The following MYO19 variants were observed in gnomAD, a reference collection of about 807,000 sequenced individuals.
The protein encoded by MYO19 is unconventional myosin-XIX.
In MYO19, 132 loss-of-function variants were observed where a neutral mutation model predicts 129.2. That is an observed-to-expected ratio of 1.02 (90% CI 0.89 to 1.18). The LOEUF is 1.18. Ranked by LOEUF, MYO19 falls within the 50% of genes most tolerant of loss-of-function variation. The pLI, the probability that MYO19 is intolerant of heterozygous loss-of-function variation, is 0.00. For synonymous variants in MYO19, 531 were observed against 477.2 expected (o/e 1.11, Z -1.47); for missense variants, 1,210 against 1,216.7 (o/e 0.99, Z 0.08).
chr17:36,503,885 C>T, intron 20 of MYO19, 65 bp downstream of exon 20: 1 of 1,349,158 alleles, frequency 7.4e-7, no homozygotes, highest in South Asian at 1.6e-5. Flanking sequence ...AGGCTCTTGC[C>T]CAATGAGAGT....
intron 12 of MYO19, 181 bp from the exon 13 acceptor site, chr17:36,511,098 C>A (rs1376157233): frequency 2.9e-5 from 21 of 716,912 alleles, no homozygotes; most frequent in Non-Finnish European, 4.5e-5. Flanking sequence ...TCAAACCCAG[C>A]ACTTTCATGT....
rs1567719643 is a variant in MYO19, at chr17:36,495,666, T to C, written c.*585A>G. 3 of 1,281,634 alleles carry C rather than the reference T, an allele frequency of 2.3e-6. No individual in the cohort carries two copies. Among genetic ancestry groups the C allele is most frequent in the Non-Finnish European group, 2.9e-6 (3 of 1,017,436 alleles). The allele number at this position is 1,281,634 out of a possible 1,614,324, so 79.4% of individuals were successfully genotyped here. A position where few individuals can be genotyped will look rare whatever the true frequency, so the allele number is the denominator to read the frequency against. ...TTTAAATGTTTTACTTTTGGTACAG[T>C]TGATAGACATCATAAACGATATCAA... On this transcript the variant is annotated 3_prime_UTR_variant, in exon 26 of 26. Coordinates refer to ENST00000614623, the MANE Select transcript of MYO19 (RefSeq NM_001163735.2).
intron 14 of MYO19, chr17:36,508,203 A>T: frequency 3.4e-6 from 1 of 290,406 alleles, no homozygotes. Flanking sequence ...CCCATTTTTG[A>T]GTCTGAATTC....
At chr17:36,507,582 C>G in intron 15 of MYO19, 70 bp from the exon 16 acceptor site, 1 of 1,498,508 alleles carries the variant, frequency 6.7e-7, no homozygotes, top group Non-Finnish European at 9.2e-7. Flanking sequence ...CCATCCACGG[C>G]TGGCCTCGGT....
chr17:36,516,999 G>A (rs2072797566), intron 6 of MYO19, among the ~76,000 whole-genome samples: 1 of 152,046 alleles, frequency 6.6e-6, no homozygotes, highest in South Asian at 2.1e-4. Flanking sequence ...CTCTGTGGGA[G>A]GGCTTTTAAC....
At chr17:36,510,715 T>G in intron 13 of MYO19, 31 bp downstream of exon 13, 1 of 1,560,718 alleles carries the variant, frequency 6.4e-7, no homozygotes, top group Non-Finnish European at 8.7e-7. Context: ...GTCGGGGTCC[T>G]CCCCAACAAG....
At chr17:36,532,412 A>C (rs2073883309) in intron 3 of MYO19, 115 bp downstream of exon 3, 1 of 1,261,762 alleles carries the variant, frequency 7.9e-7, no homozygotes, top group African/African-American at 1.5e-5. Flanking sequence ...CTGGAGAGAC[A>C]ATTTGAGGAG....
At position 36,496,166 on chromosome 17, in the gene MYO19, A is replaced by G. The variant is rs1442039619; in HGVS notation, c.*85T>C. 1.3e-6 allele frequency: 2 copies of G among 1,528,272 alleles called. No individual in the cohort carries two copies. The highest frequency in any genetic ancestry group is 2.7e-5 in the African/African-American group (2 of 73,422). 94.7% of individuals were successfully genotyped at this position (1,528,272 alleles called of 1,614,324 possible). A position where few individuals can be genotyped will look rare whatever the true frequency, so the allele number is the denominator to read the frequency against. On this transcript the variant is annotated 3_prime_UTR_variant, in exon 26 of 26. Transcript: ENST00000614623. ...CATGTGCATTTGGAGCACTGTGGGA[A>G]TAGTCTGGCAGCTGTGTGCTGATTA...
At chr17:36,522,003 C>A (rs531414416) in intron 6 of MYO19, among the ~76,000 whole-genome samples, 1 of 139,230 alleles carries the variant, frequency 7.2e-6, no homozygotes, top group Admixed American at 7.6e-5. Flanking sequence ...TGCACTCCAG[C>A]CTGGCAACAG....
rs147619463 is a variant in MYO19 at position 36,517,301 on chromosome 17, C to A, written c.415-1311G>T. On this transcript the variant is annotated intron_variant, in intron 6 of 25. Transcript: ENST00000614623. ...TTTAGAGGCAAAGTCTTGCTGTCAC[C>A]CAGGATGGAGTGCAGTGGCACGATC... 9.2e-5 allele frequency among the ~76,000 whole-genome samples: 14 copies of A among 152,222 alleles called. No individual in the cohort carries two copies. In the East Asian group the frequency reaches 2.7e-3, roughly 29 times the overall value.
chr17:36,506,783 C>G (rs1254286871), intron 17 of MYO19, 175 bp from the exon 18 acceptor site: 1 of 1,076,090 alleles, frequency 9.3e-7, no homozygotes, highest in Non-Finnish European at 1.3e-6. Context: ...TGGGTTATCT[C>G]CAGGCAGGTC....
chr17:36,503,810 T>C, intron 20 of MYO19, 140 bp downstream of exon 20: 1 of 615,834 alleles, frequency 1.6e-6, no homozygotes, highest in Non-Finnish European at 2.6e-6. Context: ...TGCTCCCTAG[T>C]TCCCAGCTGA....
chr17:36,507,810 GC>G lies in MYO19; in HGVS notation c.1345del (p.Ala449ProfsTer39). On this transcript the variant is annotated frameshift_variant, in exon 15 of 26. Coordinates refer to ENST00000614623, the MANE Select transcript of MYO19 (RefSeq NM_001163735.2). LOFTEE classifies it high-confidence loss of function. ...QQHFVAHYLR[A>X]QQEEYAVEGL... ...GCTCACCCCATCCCTCACCTGCTGG[GC>G]CCTTAGGTAGTGAGCCACAAAATGC... 6.2e-7 allele frequency: 1 copy of G among 1,610,618 alleles called. No individual in the cohort carries two copies. Among genetic ancestry groups the G allele is most frequent in the Non-Finnish European group, 8.5e-7 (1 of 1,177,806 alleles).
chr17:36,498,458 C>T lies in MYO19; in HGVS notation c.2565G>A (p.Arg855=), dbSNP rs1271846106. ...AGAGGCGGATTATTGCCTCCAGGAG[C>T]CTGGTCTGCAGCGGCGAGGTGCTCA... is the stretch of plus-strand genomic sequence containing the variant. ...CSLSTSPLQT[R]LLEAIIRLWP... The change falls in exon 25 of 26, where the codon AGG becomes AGA. Residue 855 remains arginine (R), a synonymous_variant. Transcript: ENST00000614623. 3.1e-6 allele frequency: 5 copies of T among 1,613,994 alleles called. No homozygotes were observed. Among genetic ancestry groups the T allele is most frequent in the Non-Finnish European group, 2.5e-6 (3 of 1,179,876 alleles).
At chr17:36,503,396 A>C (rs986513518) in intron 20 of MYO19, among the ~76,000 whole-genome samples, 196 bp from the exon 21 acceptor site, 2 of 152,186 alleles carry the variant, frequency 1.3e-5, no homozygotes, top group Non-Finnish European at 2.9e-5. Flanking sequence ...ACCCATAAAG[A>C]CTATTTAAAA....
At chr17:36,513,303 T>C in intron 11 of MYO19, 126 bp downstream of exon 11, 2 of 1,561,068 alleles carry the variant, frequency 1.3e-6, no homozygotes, top group South Asian at 1.2e-5. Context: ...TCCTTGGAGG[T>C]AGCACAGAAG....
At chr17:36,513,055 G>A (rs1450870795) in intron 11 of MYO19, 16 of 1,187,864 alleles carry the variant, frequency 1.3e-5, no homozygotes, top group Non-Finnish European at 1.7e-5. Context: ...ACACACAGAG[G>A]ACTGTTTAAA....
intron 14 of MYO19, 67 bp downstream of exon 14, chr17:36,508,995 T>C: frequency 7.0e-7 from 1 of 1,419,660 alleles, no homozygotes; most frequent in Admixed American, 1.8e-5. Flanking sequence ...CCAGGGCTCC[T>C]GCCTCTCCAT....
At chr17:36,539,464 A>G (rs1261132783), upstream of MYO19, among the ~76,000 whole-genome samples, 1 of 152,192 alleles carries the variant, frequency 6.6e-6, no homozygotes, top group African/African-American at 2.4e-5. Flanking sequence ...GAAGTCAGAC[A>G]GTTAAATGCA....
Sources: allele counts gnomAD v4.1 joint callset (sites outside exome capture counted in the v4.1 genomes callset), GRCh38; gene constraint gnomAD v4.1.1; transcripts MANE v1.5; gene names NCBI Gene and HGNC (gene_info 2026-07-23, HGNC 2026-07-21).